MEGF6: variants seen among roughly 807,000 people sequenced by gnomAD.
MEGF6 encodes the protein multiple EGF like domains 6, also known as multiple epidermal growth factor-like domains protein 6.
In MEGF6, 184 loss-of-function variants were observed where a neutral mutation model predicts 207.1. That is an observed-to-expected ratio of 0.89 (90% CI 0.79 to 1.00). The LOEUF is 1.00. MEGF6 is among the 50% of genes least tolerant of loss of function. The pLI, the probability that MEGF6 is intolerant of heterozygous loss-of-function variation, is 0.00. For missense variants in MEGF6, 2,282 were observed against 2,202.9 expected (o/e 1.04, Z -0.72); for synonymous variants, 1,038 against 910.0 (o/e 1.14, Z -2.53).
chr1:3,527,418 G>T (rs1229846409), intron 4 of MEGF6, among the ~76,000 whole-genome samples: 1 of 152,210 alleles, frequency 6.6e-6, no homozygotes, highest in Non-Finnish European at 1.5e-5. Context: ...GGGACCTCCA[G>T]GGCCATCTAC....
At chr1:3,553,412 G>A (rs1192621349) in intron 4 of MEGF6, among the ~76,000 whole-genome samples, 4 of 151,960 alleles carry the variant, frequency 2.6e-5, no homozygotes, top group Admixed American at 6.5e-5. Context: ...AGACCCTCCC[G>A]CCCCCCACCA....
chr1:3,508,706 A>T lies in MEGF6; in HGVS notation c.1529-17T>A, dbSNP rs769716185. The T allele has an allele frequency of 8.1e-6, 13 of 1,611,808 alleles. No individual in the cohort carries two copies. The highest frequency in any genetic ancestry group is 1.0e-5 in the Non-Finnish European group (12 of 1,179,268). On this transcript the variant is annotated splice_polypyrimidine_tract_variant and intron_variant, in intron 12 of 36. Coordinates refer to ENST00000356575, the MANE Select transcript of MEGF6 (RefSeq NM_001409.4). ...CCAGGCAGACTGGGGGCAGACCAGG[A>T]TGGGGGGATTCAGAGCCTGACCCCT...
upstream of MEGF6, among the ~76,000 whole-genome samples, chr1:3,614,152 C>T (rs1644359201): frequency 6.6e-6 from 1 of 152,176 alleles, no homozygotes; most frequent in African/African-American, 2.4e-5. Context: ...ATAGACAGAA[C>T]CCTCATTCTC....
chr1:3,527,345 C>CT (rs1022025716), intron 4 of MEGF6, among the ~76,000 whole-genome samples: 24 of 152,254 alleles, frequency 1.6e-4, no homozygotes, highest in African/African-American at 4.3e-4. Flanking sequence ...CATCCACGCT[C>CT]TGAGAATGTG....
intron 1 of MEGF6, among the ~76,000 whole-genome samples, chr1:3,602,850 C>T (rs2101883851): frequency 6.6e-6 from 1 of 152,290 alleles, no homozygotes; most frequent in Admixed American, 6.5e-5. Flanking sequence ...AGCGTGGATC[C>T]TAGTGCCCTA....
rs368861401 is a variant in MEGF6, at chr1:3,510,832, G to A, written c.1185C>T (p.Cys395=). The change falls in exon 10 of 37, where the codon TGC becomes TGT. Residue 395 remains cysteine, a synonymous_variant. Transcript: ENST00000356575. ...VCTNNPGGYE[C]GCYAGYRLSA... is the part of the protein sequence containing the mutation. ...TGAGCCGGTAGCCGGCGTAGCAGCC[G>A]CACTCGTACCCGCCAGGGTTGTTGG... is the stretch of plus-strand genomic sequence containing the variant. 9.1e-5 allele frequency: 146 copies of A among 1,610,616 alleles called. No individual in the cohort carries two copies. The highest frequency in any genetic ancestry group is 1.1e-4 in the Non-Finnish European group (130 of 1,178,290).
rs967443520 is a variant in MEGF6, at chr1:3,569,212, G to A, written c.481+10613C>T. ...CTCCTTCAAAGATGCAGGACCCAAA[G>A]AAGCAGGGACAGCCTCTGGGACCCA... is the stretch of plus-strand genomic sequence containing the variant. On this transcript the variant is annotated intron_variant, in intron 4 of 36. Transcript: ENST00000356575. Among the ~76,000 whole-genome samples the A allele has an allele frequency of 5.3e-5, 8 of 152,364 alleles. No homozygotes were observed. The East Asian group carries it at 1.5e-3, about 29-fold the overall frequency.
At position 3,556,710 on chromosome 1, in the gene MEGF6, G is replaced by A. The variant is rs116993728; in HGVS notation, c.481+23115C>T. ...ATTGTGGACAAGGGGTGGCACGTACGTTATCCTTCAAAACAGGACACTGGA... is the reference window on the plus strand; with the variant it reads ...ATTGTGGACAAGGGGTGGCACGTACATTATCCTTCAAAACAGGACACTGGA... On this transcript the variant is annotated intron_variant, in intron 4 of 36. Coordinates refer to ENST00000356575, the MANE Select transcript of MEGF6 (RefSeq NM_001409.4). This position sits in a 1 kb window ranked among gnomAD's most constrained non-coding sequence, Gnocchi z 4.4. Among the ~76,000 whole-genome samples the A allele has an allele frequency of 3.2e-3, 487 of 152,286 alleles. 14 individuals are homozygous for A. The South Asian group carries it at 0.048, about 15-fold the overall frequency.
In MEGF6 at chr1:3,611,211, G is replaced by T. The variant is rs765069773; in HGVS notation, c.58C>A (p.Leu20Met). The T allele has an allele frequency of 1.2e-5, 19 of 1,557,488 alleles. No homozygotes were observed. The highest frequency in any genetic ancestry group is 1.6e-5 in the Non-Finnish European group (19 of 1,162,334). ...AGRAVVLALV[L>M]LLLPAVPVGA... ...ACGGGCACGGCGGGGAGCAGCAGCA[G>T]CACCAACGCCAGGACCACCGCGCGC... Residue 20 changes from leucine to methionine, a missense_variant, in exon 1 of 37, where the codon CTG (leucine) becomes ATG (methionine). By Grantham distance (15) the Leu-to-Met change is conservative. Transcript: ENST00000356575.
intron 5 of MEGF6, among the ~76,000 whole-genome samples, chr1:3,522,674 A>T (rs892197057): frequency 6.6e-6 from 1 of 152,020 alleles, no homozygotes; most frequent in African/African-American, 2.4e-5. Context: ...ACCATCACAC[A>T]GATGGTGAAA....
Position 3,611,270 on chromosome 1 carries a change from G to A in MEGF6, c.-2C>T, listed in dbSNP as rs764981678. The A allele has an allele frequency of 6.8e-7, 1 of 1,464,772 alleles. No homozygotes were observed. The highest frequency in any genetic ancestry group is 1.4e-5 in the South Asian group (1 of 72,626). 90.7% of individuals were successfully genotyped at this position (1,464,772 alleles called of 1,614,324 possible). A position where few individuals can be genotyped will look rare whatever the true frequency, so the allele number is the denominator to read the frequency against. On this transcript the variant is annotated 5_prime_UTR_variant, in exon 1 of 37. In the 5' UTR this introduces an upstream ATG that the reference lacks. Transcript: ENST00000356575. ...CCTCGCCTCTTCAAGGAACGACATC[G>A]TGCGCGCCGGTGCCTCCTCCGCTCT...
upstream of MEGF6, among the ~76,000 whole-genome samples, chr1:3,611,676 C>G (rs1245077439): frequency 2.1e-5 from 3 of 145,104 alleles, no homozygotes; most frequent in African/African-American, 5.1e-5. Context: ...GGCCCCTGTA[C>G]TTGCCCGTAT....
rs1189288445 is a variant in MEGF6, at chr1:3,560,004, C to T, written c.481+19821G>A. 1.1e-4 allele frequency among the ~76,000 whole-genome samples: 15 copies of T among 140,838 alleles called. No individual in the cohort carries two copies. In the South Asian group the frequency reaches 1.7e-3, roughly 16 times the overall value. The allele number at this position is 140,838 out of a possible 152,430, so 92.4% of individuals were successfully genotyped here. A position where few individuals can be genotyped will look rare whatever the true frequency, so the allele number is the denominator to read the frequency against. On this transcript the variant is annotated intron_variant, in intron 4 of 36. Coordinates refer to ENST00000356575, the MANE Select transcript of MEGF6 (RefSeq NM_001409.4). This position sits in a 1 kb window ranked among gnomAD's most constrained non-coding sequence, Gnocchi z 4.0. Reference sequence around the variant, plus strand: ...CAGCCTGGGCAACAGTATGAGAGTCCGTCTCAAAATAAAAGAAAAAAAAAA... The same window carrying T: ...CAGCCTGGGCAACAGTATGAGAGTCTGTCTCAAAATAAAAGAAAAAAAAAA...
rs148389827 is a variant in MEGF6 at position 3,604,486 on chromosome 1, G to C, written c.132-1886C>G. On this transcript the variant is annotated intron_variant, in intron 1 of 36. Coordinates refer to ENST00000356575, the MANE Select transcript of MEGF6 (RefSeq NM_001409.4). ...GGCGGGATCAGCTGCACGAACCCAG[G>C]GCAGGTGGAAAGGCTCTGCCATTGC... 1.1e-4 allele frequency among the ~76,000 whole-genome samples: 17 copies of C among 152,270 alleles called. No individual in the cohort carries two copies. The East Asian group carries it at 2.7e-3, about 24-fold the overall frequency.
intron 17 of MEGF6, among the ~76,000 whole-genome samples, chr1:3,504,510 T>A (rs1641030455): frequency 6.6e-6 from 1 of 152,016 alleles, no homozygotes; most frequent in African/African-American, 2.4e-5. Flanking sequence ...CAGTGCAAGC[T>A]GGGGCAGCCA....
chr1:3,578,204 G>C lies in MEGF6; in HGVS notation c.481+1621C>G, dbSNP rs576109554. Among the ~76,000 whole-genome samples the C allele has an allele frequency of 6.8e-4, 104 of 152,342 alleles. 1 individual carries two copies. Among genetic ancestry groups the C allele is most frequent in the African/African-American group, 2.4e-3 (100 of 41,578 alleles). On this transcript the variant is annotated intron_variant, in intron 4 of 36. Coordinates refer to ENST00000356575, the MANE Select transcript of MEGF6 (RefSeq NM_001409.4). The stretch of plus-strand genomic sequence containing the variant: ...ACAGGAGGCTCTGCTTGGCCGACCA[G>C]TGAGCCACAGCCCCGTCCCGGAAAC...
chr1:3,496,868 C>A (rs1363263931), intron 28 of MEGF6, 85 bp from the exon 29 acceptor site: 12 of 1,518,978 alleles, frequency 7.9e-6, no homozygotes, highest in Non-Finnish European at 8.9e-6. Context: ...TCTCATGAGA[C>A]CCCCACACCC....
At position 3,603,437 on chromosome 1, in the gene MEGF6, G is replaced by T. The variant is rs138129623; in HGVS notation, c.132-837C>A. 3.0e-3 allele frequency among the ~76,000 whole-genome samples: 462 copies of T among 152,270 alleles called. 1 individual carries two copies. Among genetic ancestry groups the T allele is most frequent in the African/African-American group, 0.01 (426 of 41,562 alleles). On this transcript the variant is annotated intron_variant, in intron 1 of 36. Transcript: ENST00000356575. ...CCCTCCACAGAGGCAAATTCGGGGG[G>T]AGAGGACAAGGCTCCAGTGCTCGTG...
intron 15 of MEGF6, 101 bp from the exon 16 acceptor site, chr1:3,505,657 T>A: frequency 7.1e-7 from 1 of 1,404,752 alleles, no homozygotes; most frequent in Non-Finnish European, 9.4e-7. Flanking sequence ...GCCAAGATCA[T>A]GTAGGGAGCT....
Sources: gnomAD v4.1 joint callset for allele counts (sites outside exome capture counted in the v4.1 genomes callset) on GRCh38, gnomAD v4.1.1 for gene constraint, Gnocchi (gnomAD v3.1) non-coding constraint, MANE v1.5 for transcripts, NCBI Gene and HGNC (gene_info 2026-07-23, HGNC 2026-07-21) for gene names.